ARHGAP28: variants seen among roughly 807,000 people sequenced by gnomAD.
ARHGAP28 encodes the protein rho GTPase-activating protein 28.
In ARHGAP28, 56 loss-of-function variants were observed where a neutral mutation model predicts 90.7. That is an observed-to-expected ratio of 0.62 (90% CI 0.50 to 0.77). ARHGAP28 has a LOEUF of 0.77. ARHGAP28 is among the 30% of genes least tolerant of loss of function. ARHGAP28 has a pLI of 0.00. For missense variants in ARHGAP28, 869 were observed against 900.9 expected (o/e 0.96, Z 0.45); for synonymous variants, 308 against 323.3 (o/e 0.95, Z 0.51).
At chr18:6,891,408 G>A (rs1382201416) in intron 14 of ARHGAP28, among the ~76,000 whole-genome samples, 1 of 151,818 alleles carries the variant, frequency 6.6e-6, no homozygotes, top group Admixed American at 6.6e-5. Context: ...GGGACTACAG[G>A]CATGCGCCAC....
chr18:6,839,846 G>C (rs1291970722), intron 3 of ARHGAP28, among the ~76,000 whole-genome samples: 1 of 152,138 alleles, frequency 6.6e-6, no homozygotes, highest in African/African-American at 2.4e-5. Context: ...CTGTTCATTT[G>C]ACTTATGATG....
At chr18:6,753,557 A>G (rs1323280270) in intron 1 of ARHGAP28, among the ~76,000 whole-genome samples, 2 of 152,224 alleles carry the variant, frequency 1.3e-5, no homozygotes, top group Non-Finnish European at 2.9e-5. Context: ...TGAAGAACAT[A>G]ATATATATAA....
At chr18:6,808,708 G>A (rs1388603506) in intron 1 of ARHGAP28, among the ~76,000 whole-genome samples, 1 of 152,116 alleles carries the variant, frequency 6.6e-6, no homozygotes, top group African/African-American at 2.4e-5. Context: ...CTTTACTCTG[G>A]CAAGTGTGAA....
intron 1 of ARHGAP28, among the ~76,000 whole-genome samples, chr18:6,798,862 A>G (rs1161177153): frequency 6.6e-6 from 1 of 152,222 alleles, no homozygotes; most frequent in Non-Finnish European, 1.5e-5. Flanking sequence ...TATACTTACA[A>G]TTCTTCTGTG....
chr18:6,794,926 AC>A (rs1158266238), intron 1 of ARHGAP28, among the ~76,000 whole-genome samples: 1 of 152,006 alleles, frequency 6.6e-6, no homozygotes, highest in Non-Finnish European at 1.5e-5. Flanking sequence ...CAAGTGCTCC[AC>A]CCGCCTGGGC....
chr18:6,839,591 C>G (rs903259632), intron 3 of ARHGAP28, among the ~76,000 whole-genome samples: 1 of 152,164 alleles, frequency 6.6e-6, no homozygotes, highest in Non-Finnish European at 1.5e-5. Context: ...GCCACTGCGC[C>G]CGGCCATAAT....
At chr18:6,761,458 G>A (rs1016049827) in intron 1 of ARHGAP28, among the ~76,000 whole-genome samples, 1 of 152,180 alleles carries the variant, frequency 6.6e-6, no homozygotes, top group African/African-American at 2.4e-5. Flanking sequence ...AGATCTTGGA[G>A]TCTAGCCCAC....
At chr18:6,826,463 T>C (rs1218031254) in intron 2 of ARHGAP28, among the ~76,000 whole-genome samples, 2 of 151,554 alleles carry the variant, frequency 1.3e-5, no homozygotes, top group African/African-American at 4.9e-5. Context: ...TTTTGCTGTG[T>C]AGAAGCTCTT....
chr18:6,864,596 G>A (rs939013279), intron 5 of ARHGAP28, among the ~76,000 whole-genome samples: 3 of 151,892 alleles, frequency 2.0e-5, no homozygotes, highest in Non-Finnish European at 4.4e-5. Context: ...ACTCATTTTT[G>A]TTTCTAAAAT....
At chr18:6,769,569 A>T (rs2056226190) in intron 1 of ARHGAP28, among the ~76,000 whole-genome samples, 1 of 152,168 alleles carries the variant, frequency 6.6e-6, no homozygotes, top group Non-Finnish European at 1.5e-5. Flanking sequence ...TACTGGTATG[A>T]TCTCTATTTT....
At chr18:6,873,366 T>C (rs1443953791) in intron 7 of ARHGAP28, 43 bp from the exon 8 acceptor site, 1 of 1,557,132 alleles carries the variant, frequency 6.4e-7, no homozygotes, top group Non-Finnish European at 8.7e-7. Flanking sequence ...CATAATAATT[T>C]TCCTTTGCCA....
chr18:6,758,668 G>A (rs747389145), intron 1 of ARHGAP28, among the ~76,000 whole-genome samples: 4 of 152,158 alleles, frequency 2.6e-5, no homozygotes, highest in Non-Finnish European at 5.9e-5. Context: ...AGAAGGGAAA[G>A]GGTGAGAAAT....
chr18:6,909,121 A>G, intron 17 of ARHGAP28, 97 bp downstream of exon 17: 1 of 749,762 alleles, frequency 1.3e-6, no homozygotes, highest in Non-Finnish European at 2.2e-6. Context: ...TGAATTTCTC[A>G]GATAAAAACT....
intron 16 of ARHGAP28, among the ~76,000 whole-genome samples, chr18:6,906,561 A>AT (rs2057365790): frequency 6.6e-6 from 1 of 152,198 alleles, no homozygotes; most frequent in Admixed American, 6.5e-5. Flanking sequence ...TGTTGTAGCA[A>AT]TGGACATCCA....
Position 6,861,430 on chromosome 18 carries a change from G to A in ARHGAP28, c.726+1533G>A, listed in dbSNP as rs78602930. Among the ~76,000 whole-genome samples, 1,260 of 152,272 alleles carry A rather than the reference G, an allele frequency of 8.3e-3. 22 individuals carry two copies. The highest frequency in any genetic ancestry group is 0.029 in the African/African-American group (1,197 of 41,548). ...TCCCTTCAAATTCATCCCTCCCAGA[G>A]CCTCAAGTCATTGATTTAAAATACA... On this transcript the variant is annotated intron_variant, in intron 5 of 17. Coordinates refer to ENST00000383472, the MANE Select transcript of ARHGAP28 (RefSeq NM_001366230.1).
At chr18:6,743,960 T>C (rs555042825) in intron 1 of ARHGAP28, among the ~76,000 whole-genome samples, 5 of 152,290 alleles carry the variant, frequency 3.3e-5, no homozygotes, top group South Asian at 2.1e-4. Flanking sequence ...CTGTCTCTTA[T>C]CTCTGTATCC....
Position 6,870,750 on chromosome 18 carries a change from T to G in ARHGAP28, c.954+18T>G, listed in dbSNP as rs1234172980. On this transcript the variant is annotated intron_variant, in intron 7 of 17. Coordinates refer to ENST00000383472, the MANE Select transcript of ARHGAP28 (RefSeq NM_001366230.1). ...TTTTAACTGTAAGCAAAACCTTTCA[T>G]GATTATTCCAGGAACTTCCTGTGAC... is the stretch of plus-strand genomic sequence containing the variant. 5.1e-6 allele frequency: 8 copies of G among 1,580,876 alleles called. No individual in the cohort carries two copies. Among genetic ancestry groups the G allele is most frequent in the Non-Finnish European group, 6.8e-6 (8 of 1,170,210 alleles).
chr18:6,769,540 T>C (rs898992552), intron 1 of ARHGAP28, among the ~76,000 whole-genome samples: 3 of 152,228 alleles, frequency 2.0e-5, no homozygotes, highest in East Asian at 3.8e-4. Flanking sequence ...TAATTTTCAC[T>C]ATGACCCAAT....
chr18:6,778,346 A>C (rs949991294), intron 1 of ARHGAP28, among the ~76,000 whole-genome samples: 1 of 152,200 alleles, frequency 6.6e-6, no homozygotes, highest in Non-Finnish European at 1.5e-5. Context: ...TATCCTAAAA[A>C]TGTATGAGTT....
Sources: gnomAD v4.1 joint callset for allele counts (sites outside exome capture counted in the v4.1 genomes callset) on GRCh38, gnomAD v4.1.1 for gene constraint, MANE v1.5 for transcripts, NCBI Gene and HGNC (gene_info 2026-07-23, HGNC 2026-07-21) for gene names.